MLLT10: variants seen among roughly 807,000 people sequenced by gnomAD.
MLLT10 encodes the protein protein AF-10.
A neutral mutation model predicts 129.1 loss-of-function variants in MLLT10; 30 were observed. The observed-to-expected ratio is 0.23, with a 90% CI of 0.17 to 0.32. MLLT10 has a LOEUF of 0.32. Among genes scored for constraint, MLLT10 ranks in the 10% least tolerant of loss-of-function variants. The probability of loss-of-function intolerance (pLI) is 1.00; values close to 1 mark genes in which losing one functional copy is unlikely to be tolerated. For synonymous variants in MLLT10, 490 were observed against 446.4 expected, an observed-to-expected ratio of 1.10 and a Z score of -1.23; for missense variants, 1,119 against 1,268.3, an observed-to-expected ratio of 0.88 and a Z score of 1.79.
At chr10:21,704,611 C>CTTTTTTTTTTTTTTTTTGTT in intron 13 of MLLT10, among the ~76,000 whole-genome samples, 1 of 128,194 alleles carries the variant, frequency 7.8e-6, no homozygotes, top group Middle Eastern at 4.2e-3. Flanking sequence ...CTCTCTCTCG[C>CTTTTTTTTTTTTTTTTTGTT]TTTTTTTTTT....
intron 21 of MLLT10, chr10:21,738,333 T>TCTTA: frequency 8.8e-7 from 1 of 1,142,692 alleles, no homozygotes. Flanking sequence ...AGTTGCCTCA[T>TCTTA]CTTAATATGA....
intron 5 of MLLT10, among the ~76,000 whole-genome samples, chr10:21,604,244 A>G (rs1251791563): frequency 2.0e-5 from 3 of 152,068 alleles, no homozygotes; most frequent in Non-Finnish European, 4.4e-5. Flanking sequence ...CCCAAATCTC[A>G]TCTTCTGAAT....
intron 14 of MLLT10, among the ~76,000 whole-genome samples, chr10:21,719,138 G>A (rs1203545717): frequency 6.6e-6 from 1 of 152,210 alleles, no homozygotes; most frequent in Non-Finnish European, 1.5e-5. Context: ...GTATGTGTGT[G>A]TTTATGTAGG....
At chr10:21,708,591 A>G (rs1405999512) in intron 13 of MLLT10, 1 of 985,146 alleles carries the variant, frequency 1.0e-6, no homozygotes, top group Non-Finnish European at 1.2e-6. Context: ...TTACCAGTAA[A>G]CTGAGTACCA....
chr10:21,542,583 A>G (rs1204076581), intron 3 of MLLT10, among the ~76,000 whole-genome samples: 2 of 152,258 alleles, frequency 1.3e-5, no homozygotes, highest in African/African-American at 4.8e-5. Flanking sequence ...AAATATATAT[A>G]TATTAGATGC....
intron 8 of MLLT10, among the ~76,000 whole-genome samples, chr10:21,623,774 C>CA (rs778740965): frequency 5.3e-5 from 8 of 152,292 alleles, no homozygotes; most frequent in Non-Finnish European, 1.0e-4. Flanking sequence ...CTATCCCACT[C>CA]AATCTGAAAA....
intron 9 of MLLT10, among the ~76,000 whole-genome samples, chr10:21,663,155 C>T (rs1281872580): frequency 1.3e-5 from 2 of 152,138 alleles, no homozygotes; most frequent in East Asian, 1.9e-4. Context: ...ACTCTGTGGG[C>T]CTGCTAGAGG....
rs761837315 is a variant in MLLT10, at chr10:21,735,255, AAT to A, written c.2955+23_2955+24del. On this transcript the variant is annotated intron_variant, in intron 21 of 22. Transcript: ENST00000307729. ...ACACCAGTAAGTTCTTTCTTTTGAT[AAT>A]ATCTTATTAGGAGCATGTGTTCTAA... 7.8e-6 allele frequency: 12 copies of A among 1,546,302 alleles called. 1 individual carries two copies. In the South Asian group the frequency reaches 1.3e-4, roughly 17 times the overall value.
intron 8 of MLLT10, among the ~76,000 whole-genome samples, chr10:21,634,615 C>G (rs1033526644): frequency 2.0e-5 from 3 of 152,194 alleles, no homozygotes; most frequent in Non-Finnish European, 1.5e-5. Context: ...TTGCCTGAAT[C>G]TGTTGTAACT....
intron 3 of MLLT10, among the ~76,000 whole-genome samples, chr10:21,562,545 C>T (rs751966482): frequency 2.2e-4 from 34 of 151,400 alleles, no homozygotes; most frequent in Non-Finnish European, 3.5e-4. Flanking sequence ...ACCATGTTGG[C>T]GAGGCTGGTT....
At chr10:21,587,363 G>A (rs1432571549) in intron 4 of MLLT10, among the ~76,000 whole-genome samples, 1 of 147,524 alleles carries the variant, frequency 6.8e-6, no homozygotes, top group Non-Finnish European at 1.5e-5. Flanking sequence ...AGGCTGCAAT[G>A]AGCCATGGCC....
intron 8 of MLLT10, among the ~76,000 whole-genome samples, chr10:21,640,467 A>G (rs1265568071): frequency 1.3e-5 from 2 of 151,792 alleles, no homozygotes; most frequent in Non-Finnish European, 2.9e-5. Context: ...GTCAAGAGAT[A>G]GACAACTTAT....
At chr10:21,732,650 T>A (rs1361542585) in intron 17 of MLLT10, among the ~76,000 whole-genome samples, 1 of 152,176 alleles carries the variant, frequency 6.6e-6, no homozygotes, top group Non-Finnish European at 1.5e-5. Context: ...TGTTTTTTGG[T>A]ATGTGGCAAC....
chr10:21,595,273 C>T (rs2042933461), intron 4 of MLLT10, 58 bp from the exon 5 acceptor site: 18 of 1,274,260 alleles, frequency 1.4e-5, no homozygotes, highest in African/African-American at 2.9e-5. Context: ...AGGAAGTTAA[C>T]GGTGTTAATT....
At chr10:21,574,242 T>C (rs1242371190) in intron 3 of MLLT10, among the ~76,000 whole-genome samples, 1 of 152,198 alleles carries the variant, frequency 6.6e-6, no homozygotes, top group Admixed American at 6.6e-5. Context: ...AGCTGTTGAA[T>C]TGGTTAGCAT....
chr10:21,683,509 C>CT (rs1432633527), intron 13 of MLLT10, among the ~76,000 whole-genome samples: 1 of 152,094 alleles, frequency 6.6e-6, no homozygotes, highest in East Asian at 1.9e-4. Context: ...TCCTGAACAT[C>CT]TTTAGAAAAT....
At chr10:21,739,730 T>G (rs1261734623) in intron 21 of MLLT10, among the ~76,000 whole-genome samples, 1 of 152,214 alleles carries the variant, frequency 6.6e-6, no homozygotes, top group Non-Finnish European at 1.5e-5. Flanking sequence ...CCACGCATGA[T>G]GCATTCAAAT....
At chr10:21,533,827 G>A (rs2033257667), upstream of MLLT10, among the ~76,000 whole-genome samples, 1 of 152,228 alleles carries the variant, frequency 6.6e-6, no homozygotes, top group African/African-American at 2.4e-5. Context: ...CAGTCTTGGA[G>A]GAAAAGGCCA....
chr10:21,728,735 A>G (rs1252795994), intron 16 of MLLT10, among the ~76,000 whole-genome samples: 2 of 152,154 alleles, frequency 1.3e-5, no homozygotes, highest in Non-Finnish European at 2.9e-5. Flanking sequence ...GTGATTAAAA[A>G]TGAAAACTTT....
Sources: gnomAD v4.1 joint callset for allele counts (sites outside exome capture counted in the v4.1 genomes callset) on GRCh38, gnomAD v4.1.1 for gene constraint, MANE v1.5 for transcripts, NCBI Gene and HGNC (gene_info 2026-07-23, HGNC 2026-07-21) for gene names.